Variants in IMMP2L observed in about 807,000 individuals in gnomAD.
IMMP2L encodes the protein mitochondrial inner membrane protease subunit 2.
A neutral mutation model predicts 19.3 loss-of-function variants in IMMP2L; 18 were observed. That is an observed-to-expected ratio of 0.93 (90% confidence interval 0.64 to 1.38). IMMP2L has a LOEUF of 1.38. Ranked by LOEUF, IMMP2L falls within the 40% of genes most tolerant of loss-of-function variation. IMMP2L has a pLI of 0.00. For missense variants in IMMP2L, 233 were observed against 218.2 expected, an observed-to-expected ratio of 1.07 and a Z score of -0.43; for synonymous variants, 76 against 73.0, an observed-to-expected ratio of 1.04 and a Z score of -0.21.
chr7:111,207,539 T>G (rs939352517), intron 3 of IMMP2L, among the ~76,000 whole-genome samples: 2 of 140,832 alleles, frequency 1.4e-5, no homozygotes, highest in South Asian at 2.4e-4. Flanking sequence ...TTTTGGTTTT[T>G]TTTTTTTTTT....
At chr7:111,103,194 C>T (rs1798170764) in intron 3 of IMMP2L, among the ~76,000 whole-genome samples, 1 of 151,606 alleles carries the variant, frequency 6.6e-6, no homozygotes. Context: ...AACTGCATTA[C>T]TCCATCATCT....
At chr7:110,730,670 G>A (rs1021234715) in intron 5 of IMMP2L, among the ~76,000 whole-genome samples, 2 of 151,982 alleles carry the variant, frequency 1.3e-5, no homozygotes, top group African/African-American at 2.4e-5. Flanking sequence ...GATTACAGGC[G>A]CCAGCCACCA....
At chr7:110,887,280 G>A (rs1810318471) in intron 4 of IMMP2L, among the ~76,000 whole-genome samples, 1 of 151,992 alleles carries the variant, frequency 6.6e-6, no homozygotes. Context: ...TCCTAAAAAT[G>A]AAATTTTTTT....
intron 3 of IMMP2L, among the ~76,000 whole-genome samples, chr7:111,430,635 G>C (rs1474362475): frequency 1.3e-5 from 2 of 151,794 alleles, no homozygotes; most frequent in Non-Finnish European, 2.9e-5. Flanking sequence ...AAAGTGGTGT[G>C]ATAACTATTT....
At chr7:111,233,335 T>C (rs1004884799) in intron 3 of IMMP2L, among the ~76,000 whole-genome samples, 1 of 152,112 alleles carries the variant, frequency 6.6e-6, no homozygotes, top group Non-Finnish European at 1.5e-5. Context: ...AATGTCACAT[T>C]TCACTCCCTG....
chr7:111,410,199 G>C (rs1282189980), intron 3 of IMMP2L, among the ~76,000 whole-genome samples: 4 of 151,708 alleles, frequency 2.6e-5, no homozygotes, highest in African/African-American at 7.3e-5. Flanking sequence ...AAGAGCCCTT[G>C]TTGTTGAATA....
chr7:111,454,487 C>T (rs1839510676), intron 3 of IMMP2L, among the ~76,000 whole-genome samples: 1 of 151,982 alleles, frequency 6.6e-6, no homozygotes, highest in Non-Finnish European at 1.5e-5. Flanking sequence ...ACTATTCATT[C>T]TCAACTCACT....
intron 3 of IMMP2L, among the ~76,000 whole-genome samples, chr7:111,343,535 C>T (rs953442608): frequency 6.6e-6 from 1 of 152,042 alleles, no homozygotes; most frequent in African/African-American, 2.4e-5. Context: ...CCCAGTGCTT[C>T]ACTCCTTCAG....
At chr7:111,320,051 C>T (rs1824517847) in intron 3 of IMMP2L, among the ~76,000 whole-genome samples, 1 of 151,960 alleles carries the variant, frequency 6.6e-6, no homozygotes, top group Non-Finnish European at 1.5e-5. Context: ...CATCAGCCTC[C>T]ATCGTGGGAA....
intron 5 of IMMP2L, among the ~76,000 whole-genome samples, chr7:110,696,306 T>G (rs1372174370): frequency 6.6e-6 from 1 of 152,092 alleles, no homozygotes; most frequent in Non-Finnish European, 1.5e-5. Context: ...TTGGGAAAAT[T>G]ATTCTGGCAG....
intron 3 of IMMP2L, among the ~76,000 whole-genome samples, chr7:111,354,801 T>A (rs1471343908): frequency 6.6e-6 from 1 of 151,642 alleles, no homozygotes; most frequent in East Asian, 1.9e-4. Context: ...AACCTAGAAA[T>A]AAACCTAAGA....
chr7:111,545,052 C>A (rs1287357959), intron 1 of IMMP2L, among the ~76,000 whole-genome samples: 1 of 152,104 alleles, frequency 6.6e-6, no homozygotes, highest in Non-Finnish European at 1.5e-5. Context: ...CAGACTCACA[C>A]ACACACATAC....
intron 3 of IMMP2L, among the ~76,000 whole-genome samples, chr7:111,420,954 T>C (rs140538251): frequency 0.01 from 1,523 of 151,980 alleles, 65 homozygotes; most frequent in African/African-American, 0.035. Flanking sequence ...ATGGTAATTC[T>C]AGTTCTAGAT....
intron 5 of IMMP2L, among the ~76,000 whole-genome samples, chr7:110,815,110 G>T (rs565834791): frequency 6.6e-6 from 1 of 152,030 alleles, no homozygotes; most frequent in African/African-American, 2.4e-5. Flanking sequence ...GTTTGTCATA[G>T]ATAGCTCCTA....
intron 3 of IMMP2L, among the ~76,000 whole-genome samples, chr7:111,338,363 G>C (rs943163765): frequency 1.4e-5 from 2 of 147,058 alleles, no homozygotes; most frequent in Non-Finnish European, 3.0e-5. Context: ...CAATATTTTA[G>C]ATAAGAACAT....
chr7:111,463,801 C>T (rs1243881745), intron 3 of IMMP2L, among the ~76,000 whole-genome samples: 1 of 152,166 alleles, frequency 6.6e-6, no homozygotes. Flanking sequence ...TCTTCATTGT[C>T]CCCATTGAAT....
intron 3 of IMMP2L, among the ~76,000 whole-genome samples, chr7:111,448,188 C>T (rs1432571816): frequency 1.6e-5 from 2 of 128,254 alleles, no homozygotes; most frequent in Non-Finnish European, 3.1e-5. Context: ...GAATTGAACT[C>T]AGCTCTGCAC....
chr7:111,378,353 T>C (rs1292364278), intron 3 of IMMP2L, among the ~76,000 whole-genome samples: 1 of 152,004 alleles, frequency 6.6e-6, no homozygotes, highest in African/African-American at 2.4e-5. Flanking sequence ...ATCCAGTTAG[T>C]CAACATTTTA....
chr7:110,942,078 T>C (rs1228141160), intron 4 of IMMP2L, among the ~76,000 whole-genome samples: 2 of 152,004 alleles, frequency 1.3e-5, no homozygotes, highest in African/African-American at 4.8e-5. Context: ...AATTTGTTAA[T>C]TGGTTGCTCT....
Sources: allele counts gnomAD v4.1 joint callset (sites outside exome capture counted in the v4.1 genomes callset), GRCh38; gene constraint gnomAD v4.1.1; transcripts MANE v1.5; gene names NCBI Gene and HGNC (gene_info 2026-07-23, HGNC 2026-07-21).